CNTLN: variants seen among roughly 807,000 people sequenced by gnomAD.
CNTLN encodes the protein centlein.
CNTLN carries 212 observed loss-of-function variants against 180.0 expected under a neutral mutation model. The observed-to-expected ratio is 1.18, with a 90% CI of 1.05 to 1.32. The LOEUF (loss-of-function observed/expected upper bound fraction) is 1.32. Among genes scored for constraint, CNTLN ranks in the 40% most tolerant of loss-of-function variants. The pLI, the probability that CNTLN is intolerant of heterozygous loss-of-function variation, is 0.00. For synonymous variants in CNTLN, 722 were observed against 563.1 expected (o/e 1.28, Z -3.99); for missense variants, 2,095 against 1,610.9 (o/e 1.30, Z -5.14).
chr9:17,440,476 C>G (rs548071360), intron 18 of CNTLN, among the ~76,000 whole-genome samples: 1 of 149,540 alleles, frequency 6.7e-6, no homozygotes, highest in East Asian at 2.0e-4. Flanking sequence ...GTAATCCCAG[C>G]TATTCGAGAG....
chr9:17,219,164 CA>C (rs1715554178), intron 2 of CNTLN, among the ~76,000 whole-genome samples: 1 of 151,916 alleles, frequency 6.6e-6, no homozygotes, highest in African/African-American at 2.4e-5. Flanking sequence ...CATTATTGCA[CA>C]TCAGTGGTTC....
At chr9:17,389,202 A>G (rs553339494) in intron 14 of CNTLN, among the ~76,000 whole-genome samples, 1 of 152,208 alleles carries the variant, frequency 6.6e-6, no homozygotes, top group South Asian at 2.1e-4. Context: ...TCATCTCATT[A>G]TTACTGAATG....
intron 7 of CNTLN, among the ~76,000 whole-genome samples, chr9:17,305,523 T>TC (rs1201724087): frequency 6.7e-6 from 1 of 149,834 alleles, no homozygotes; most frequent in Non-Finnish European, 1.5e-5. Context: ...TGAGCACTGT[T>TC]TTTTTTTTTT....
intron 13 of CNTLN, among the ~76,000 whole-genome samples, chr9:17,376,329 C>T (rs1391945447): frequency 2.6e-5 from 4 of 151,224 alleles, no homozygotes; most frequent in African/African-American, 7.3e-5. Context: ...TACTTACATT[C>T]GAGCAGTAAG....
chr9:17,392,798 T>TA (rs34336861), intron 14 of CNTLN, among the ~76,000 whole-genome samples: 14 of 145,972 alleles, frequency 9.6e-5, no homozygotes, highest in East Asian at 2.0e-4. Context: ...GGTTGAACAT[T>TA]AAAAAAAAAA....
chr9:17,352,404 ATATATATATATATT>A (rs755250036), intron 12 of CNTLN, among the ~76,000 whole-genome samples: 17 of 64,674 alleles, frequency 2.6e-4, no homozygotes, highest in African/African-American at 6.9e-4. Context: ...ATATATATAT[ATATATATATATATT>A]TTTTTTTTTT....
At chr9:17,274,453 A>ATATG (rs1828159039) in intron 6 of CNTLN, among the ~76,000 whole-genome samples, 1 of 138,774 alleles carries the variant, frequency 7.2e-6, no homozygotes, top group African/African-American at 2.7e-5. Context: ...TCATAGATCA[A>ATATG]TATCTATCTA....
At chr9:17,457,418 C>A (rs934230906) in intron 18 of CNTLN, 106 bp from the exon 19 acceptor site, 7 of 608,422 alleles carry the variant, frequency 1.2e-5, no homozygotes, top group South Asian at 6.6e-5. Flanking sequence ...AATTTCAGTT[C>A]TCTTTAATAT....
At chr9:17,204,905 A>C (rs1822808171) in intron 2 of CNTLN, among the ~76,000 whole-genome samples, 1 of 152,186 alleles carries the variant, frequency 6.6e-6, no homozygotes, top group Non-Finnish European at 1.5e-5. Context: ...AGAAATCTAG[A>C]GTAGCAGTCT....
intron 7 of CNTLN, chr9:17,301,341 A>G (rs1818333525): frequency 1.0e-6 from 1 of 985,408 alleles, no homozygotes; most frequent in South Asian, 4.7e-5. Flanking sequence ...TCCAAGAATC[A>G]TTATAGAAAA....
chr9:17,331,620 G>A (rs1162876526), intron 9 of CNTLN, among the ~76,000 whole-genome samples: 1 of 151,798 alleles, frequency 6.6e-6, no homozygotes, highest in Non-Finnish European at 1.5e-5. Flanking sequence ...TTTTTCTTAT[G>A]GGTAGGACAA....
intron 18 of CNTLN, among the ~76,000 whole-genome samples, chr9:17,439,473 A>G (rs936178432): frequency 1.1e-4 from 17 of 152,228 alleles, no homozygotes; most frequent in Non-Finnish European, 2.4e-4. Flanking sequence ...AGAAGAAAAC[A>G]AAATGAAAAT....
At chr9:17,392,448 G>A (rs1030182311) in intron 14 of CNTLN, among the ~76,000 whole-genome samples, 1 of 152,140 alleles carries the variant, frequency 6.6e-6, no homozygotes, top group African/African-American at 2.4e-5. Flanking sequence ...TTTGGAAAAA[G>A]TAAAAAGGAT....
Position 17,189,590 on chromosome 9 carries a change from TCTC to T in CNTLN, c.450-36610_450-36608del, listed in dbSNP as rs1317761539. Among the ~76,000 whole-genome samples the T allele has an allele frequency of 4.0e-5, 6 of 151,864 alleles. No homozygotes were observed. In the South Asian group the frequency reaches 1.3e-3, roughly 32 times the overall value. On this transcript the variant is annotated intron_variant, in intron 2 of 25. Transcript: ENST00000380647. ...CCTCCGCCTCCCAGGTTCAAGCGAT[TCTC>T]CTGTCTCATCCTCCTGAGTAGCTGG...
At chr9:17,316,916 G>T (rs1819576513) in intron 8 of CNTLN, among the ~76,000 whole-genome samples, 2 of 151,944 alleles carry the variant, frequency 1.3e-5, no homozygotes, top group Admixed American at 6.6e-5. Flanking sequence ...GTGTACGTTT[G>T]TTTCTCCCCC....
chr9:17,395,641 G>A (rs1587875654), intron 15 of CNTLN, among the ~76,000 whole-genome samples: 2 of 152,106 alleles, frequency 1.3e-5, no homozygotes. Flanking sequence ...AACTTTAATT[G>A]AATGGTGGTT....
intron 10 of CNTLN, among the ~76,000 whole-genome samples, chr9:17,334,348 CTGCTCCT>C (rs1433735153): frequency 6.6e-6 from 1 of 152,108 alleles, no homozygotes; most frequent in Non-Finnish European, 1.5e-5. Flanking sequence ...GCGCGAGCCG[CTGCTCCT>C]GGCCCTTTTG....
chr9:17,327,781 C>G (rs892158734), intron 8 of CNTLN, among the ~76,000 whole-genome samples: 2 of 151,960 alleles, frequency 1.3e-5, no homozygotes, highest in South Asian at 2.1e-4. Flanking sequence ...TGGTGAAACC[C>G]CTTCTCTACT....
chr9:17,320,108 A>G (rs1401796719), intron 8 of CNTLN, among the ~76,000 whole-genome samples: 2 of 152,368 alleles, frequency 1.3e-5, no homozygotes, highest in East Asian at 3.9e-4. Context: ...TCTGTGAATG[A>G]GATACATGCC....
Sources: gnomAD v4.1 joint callset for allele counts (sites outside exome capture counted in the v4.1 genomes callset) on GRCh38, gnomAD v4.1.1 for gene constraint, MANE v1.5 for transcripts, NCBI Gene and HGNC (gene_info 2026-07-23, HGNC 2026-07-21) for gene names.